Variants in SLC25A29 observed in about 807,000 individuals in gnomAD.
SLC25A29 encodes mitochondrial basic amino acids transporter.
SLC25A29 carries 13 observed loss-of-function variants against 10.0 expected under a neutral mutation model. That is an observed-to-expected ratio of 1.30 (90% CI 0.85 to 2.07). SLC25A29 has a LOEUF of 2.07. Among genes scored for constraint, SLC25A29 ranks in the 30% most tolerant of loss-of-function variants. SLC25A29 has a pLI of 0.00. For missense variants in SLC25A29, 475 were observed against 447.6 expected, an observed-to-expected ratio of 1.06 and a Z score of -0.55; for synonymous variants, 244 against 221.1, an observed-to-expected ratio of 1.10 and a Z score of -0.92.
intron 2 of SLC25A29, chr14:100,293,657 G>C: frequency 2.3e-6 from 1 of 441,872 alleles, no homozygotes; most frequent in South Asian, 2.7e-5. Context: ...TTTACACTAT[G>C]GCTGCACAGT....
downstream of SLC25A29, among the ~76,000 whole-genome samples, chr14:100,287,278 A>C (rs1891562085): frequency 6.6e-6 from 1 of 152,204 alleles, no homozygotes; most frequent in African/African-American, 2.4e-5. Flanking sequence ...GAGATTGGAA[A>C]AACAGTTTAT....
intron 3 of SLC25A29, 97 bp from the exon 4 acceptor site, chr14:100,293,129 G>A (rs1891883296): frequency 1.9e-5 from 28 of 1,456,880 alleles, no homozygotes; most frequent in Non-Finnish European, 2.4e-5. Flanking sequence ...GCCCACCCCA[G>A]GGGCTCCTGA....
chr14:100,299,742 G>C lies in SLC25A29; in HGVS notation c.35-857C>G. On this transcript the variant is annotated intron_variant, in intron 1 of 3. Transcript: ENST00000359232. ...AGGAGAAACAGGCTCAGTGAGGTCA[G>C]GTAACTGACTCTGACTCCCATGCTC... The C allele has an allele frequency of 3.0e-6, 3 of 985,440 alleles. No individual in the cohort carries two copies. The South Asian group carries it at 1.4e-4, about 46-fold the overall frequency. 61.0% of individuals were successfully genotyped at this position (985,440 alleles called of 1,614,324 possible).
At chr14:100,285,097 G>T in the SLC25A29 span, among the ~76,000 whole-genome samples, 1 of 151,992 alleles carries the variant, frequency 6.6e-6, no homozygotes, top group Non-Finnish European at 1.5e-5. Context: ...GCAGGACGGG[G>T]TCTGAGCACG....
At position 100,306,197 on chromosome 14, in the gene SLC25A29, AC is replaced by A. The variant is rs940063126; in HGVS notation, c.34+1del. 43 of 1,498,518 alleles carry A rather than the reference AC, an allele frequency of 2.9e-5. No homozygotes were observed. Among genetic ancestry groups the A allele is most frequent in the Non-Finnish European group, 3.4e-5 (39 of 1,131,342 alleles). 92.8% of individuals were successfully genotyped at this position (1,498,518 alleles called of 1,614,324 possible). On this transcript the variant is annotated splice_donor_variant, in intron 1 of 3. Coordinates refer to ENST00000359232, the MANE Select transcript of SLC25A29 (RefSeq NM_001039355.3). LOFTEE classifies it high-confidence loss of function. ...GCCCGGCCCGGCCCGCCGCCTCCTT[AC>A]CCCCCGCGCATCCAGCCAAGAAGTC...
At chr14:100,295,863 T>C (rs1352354385) in intron 2 of SLC25A29, 2 of 1,289,630 alleles carry the variant, frequency 1.6e-6, no homozygotes, top group Non-Finnish European at 2.0e-6. Flanking sequence ...ATTATTGCTG[T>C]GTCCAAGGAA....
chr14:100,284,659 T>A, the SLC25A29 span, among the ~76,000 whole-genome samples: 1 of 152,248 alleles, frequency 6.6e-6, no homozygotes, highest in Admixed American at 6.5e-5. Flanking sequence ...AATGCAATTA[T>A]GTGCCAGGCC....
In SLC25A29 at chr14:100,293,011, G is replaced by A. The variant is rs1316933582; in HGVS notation, c.184C>T (p.Leu62=). The A allele has an allele frequency of 1.3e-6, 2 of 1,575,182 alleles. No homozygotes were observed. ...GTGAGCCCCATGAGCGGCGAGCCCAGGCCCTTGTACAGGCCCAGCACCTGC... is the reference window on the plus strand; with the variant it reads ...GTGAGCCCCATGAGCGGCGAGCCCAAGCCCTTGTACAGGCCCAGCACCTGC... The part of the protein sequence containing the change: ...QESVLGLYKG[L]GSPLMGLTFI... Residue 62 remains leucine, a synonymous_variant, in exon 4 of 4, where the codon CTG becomes TTG. Transcript: ENST00000359232.
At chr14:100,284,804 C>G in the SLC25A29 span, among the ~76,000 whole-genome samples, 1 of 152,184 alleles carries the variant, frequency 6.6e-6, no homozygotes, top group Non-Finnish European at 1.5e-5. Context: ...CTTCTGGAGG[C>G]CGAGGCGGGC....
Position 100,292,813 on chromosome 14 carries a change from C to A in SLC25A29, c.382G>T (p.Ala128Ser). The change falls in exon 4 of 4, where the codon GCG becomes TCG. Residue 128 changes from alanine (A) to serine (S), a missense_variant. Transcript: ENST00000359232. Reference sequence around the variant, plus strand: ...TCCAGCGAGCCCTTGTAGGTGCGCGCTGGGCCCGCGTCCTGCAGCTGCAGC... The same window carrying A: ...TCCAGCGAGCCCTTGTAGGTGCGCGATGGGCCCGCGTCCTGCAGCTGCAGC... ...TRLQLQDAGP[A>S]RTYKGSLDCL... The A allele has an allele frequency of 6.3e-7, 1 of 1,591,264 alleles. No individual in the cohort carries two copies. The highest frequency in any genetic ancestry group is 1.3e-5 in the African/African-American group (1 of 74,606).
downstream of SLC25A29, among the ~76,000 whole-genome samples, chr14:100,288,474 T>C (rs1193453889): frequency 6.6e-6 from 1 of 151,150 alleles, no homozygotes; most frequent in African/African-American, 2.4e-5. Flanking sequence ...TCAAGAGCAG[T>C]TGGCACTTAG....
intron 2 of SLC25A29, chr14:100,295,508 C>T (rs190133989): frequency 1.7e-4 from 204 of 1,166,538 alleles, no homozygotes; most frequent in Non-Finnish European, 2.0e-4. Flanking sequence ...CTGTGCTGAG[C>T]CCAAGCTTGC....
chr14:100,293,326 G>T lies in SLC25A29; in HGVS notation c.130C>A (p.His44Asn). The T allele has an allele frequency of 6.2e-7, 1 of 1,613,412 alleles. No homozygotes were observed. Among genetic ancestry groups the T allele is most frequent in the African/African-American group, 1.3e-5 (1 of 75,058 alleles). The stretch of plus-strand genomic sequence containing the variant: ...TGCTTGATGATGGACTTGAAGCAGT[G>T]CAACGTCCCGCGGTACTGAGGCTTC... ...VEKPQYRGTL[H>N]CFKSIIKQES... Residue 44 changes from histidine (H) to asparagine (N), a missense_variant, in exon 3 of 4, where the codon CAC becomes AAC. Transcript: ENST00000359232.
the SLC25A29 span, chr14:100,278,829 G>T: frequency 1.3e-5 from 2 of 152,278 alleles, no homozygotes; most frequent in South Asian, 4.1e-4. Context: ...CCACCTGGCA[G>T]TGGGGCACAC....
intron 1 of SLC25A29, among the ~76,000 whole-genome samples, chr14:100,301,015 T>G (rs1416584784): frequency 2.0e-5 from 3 of 152,150 alleles, no homozygotes. Flanking sequence ...TTCTCCTGCC[T>G]CAGCCTCCCG....
At position 100,292,785 on chromosome 14, in the gene SLC25A29, C is replaced by A. The variant is rs1891834336; in HGVS notation, c.410G>T (p.Cys137Phe). Reference protein sequence around the residue: ...PARTYKGSLDCLAQIYGHEGL... With the variant: ...PARTYKGSLDFLAQIYGHEGL... Reference sequence around the variant, plus strand: ...CTCGTGCCCGTAGATCTGCGCGAGGCAGTCCAGCGAGCCCTTGTAGGTGCG... The same window carrying A: ...CTCGTGCCCGTAGATCTGCGCGAGGAAGTCCAGCGAGCCCTTGTAGGTGCG... The change falls in exon 4 of 4, where the codon TGC becomes TTC. Residue 137 changes from cysteine to phenylalanine, a missense_variant. By Grantham distance (205) the Cys-to-Phe change is radical. Transcript: ENST00000359232. 4 of 1,597,264 alleles carry A rather than the reference C, an allele frequency of 2.5e-6. No individual in the cohort carries two copies. The highest frequency in any genetic ancestry group is 1.1e-5 in the South Asian group (1 of 89,202).
At chr14:100,302,616 A>C (rs558653253) in intron 1 of SLC25A29, among the ~76,000 whole-genome samples, 1 of 152,202 alleles carries the variant, frequency 6.6e-6, no homozygotes, top group South Asian at 2.1e-4. Flanking sequence ...CAGCCTCCCG[A>C]AGTGCTGGGA....
At chr14:100,295,755 C>A in intron 2 of SLC25A29, 2 of 1,289,418 alleles carry the variant, frequency 1.6e-6, no homozygotes, top group South Asian at 1.2e-5. Flanking sequence ...CACATCCAGG[C>A]GCGGAGCCCC....
intron 1 of SLC25A29, among the ~76,000 whole-genome samples, chr14:100,300,597 G>C (rs1892476249): frequency 6.6e-6 from 1 of 152,032 alleles, no homozygotes; most frequent in Non-Finnish European, 1.5e-5. Context: ...CCCAGGCTTT[G>C]TTCAAGAAAA....
Sources: gnomAD v4.1 joint callset for allele counts (sites outside exome capture counted in the v4.1 genomes callset) on GRCh38, gnomAD v4.1.1 for gene constraint, MANE v1.5 for transcripts, NCBI Gene and HGNC (gene_info 2026-07-23, HGNC 2026-07-21) for gene names.